Variants in CUL9 observed in about 807,000 individuals in gnomAD.
The protein encoded by CUL9 is cullin-9.
In CUL9, 79 loss-of-function variants were observed where a neutral mutation model predicts 272.6. That is an observed-to-expected ratio of 0.29 (90% CI 0.24 to 0.35). CUL9 has a LOEUF of 0.35. CUL9 is among the 10% of genes least tolerant of loss of function. The probability of loss-of-function intolerance (pLI) is 1.00; values close to 1 mark genes in which losing one functional copy is unlikely to be tolerated. For synonymous variants in CUL9, 1,186 were observed against 1,286.5 expected (o/e 0.92, Z 1.67); for missense variants, 2,532 against 3,255.6 (o/e 0.78, Z 5.41).
chr6:43,187,939 G>C lies in CUL9; in HGVS notation c.1808G>C (p.Ser603Thr). 6.2e-7 allele frequency: 1 copy of C among 1,614,106 alleles called. No homozygotes were observed. Among genetic ancestry groups the C allele is most frequent in the Non-Finnish European group, 8.5e-7 (1 of 1,180,024 alleles). The change falls in exon 7 of 41, where the codon AGC (serine) becomes ACC (threonine). Residue 603 changes from serine to threonine, a missense_variant. Around this residue, in one of 3 missense-constraint regions of CUL9, gnomAD observed 2,218 missense variants for 2,788.6 expected, o/e 0.80. Coordinates refer to ENST00000252050, the MANE Select transcript of CUL9 (RefSeq NM_015089.4). ...GAAGAGGAGTCCAAGTCGGAGGCCAGCTTCTCAGAGGAAGAGACTGAGTCC... is the reference window on the plus strand; with the variant it reads ...GAAGAGGAGTCCAAGTCGGAGGCCACCTTCTCAGAGGAAGAGACTGAGTCC... ...DPEEESKSEA[S>T]FSEEETESLK...
Position 43,193,092 on chromosome 6 carries a change from C to T in CUL9, c.2272C>T (p.Leu758Phe). 6.2e-7 allele frequency: 1 copy of T among 1,614,196 alleles called. No homozygotes were observed. The highest frequency in any genetic ancestry group is 8.5e-7 in the Non-Finnish European group (1 of 1,180,036). The part of the protein sequence containing the change: ...VVQALRLLYL[L>F]MTKHEWRPLF... ...GCAGGCCCTGCGCCTCCTTTACCTG[C>T]TCATGACCAAGCACGAGTGGCGGCC... The change falls in exon 9 of 41, where the codon CTC becomes TTC. Residue 758 changes from leucine to phenylalanine, a missense_variant. Physicochemically the swap from Leu to Phe is conservative, Grantham distance 22. Around this residue, in one of 3 missense-constraint regions of CUL9, gnomAD observed 2,218 missense variants for 2,788.6 expected, o/e 0.80. Coordinates refer to ENST00000252050, the MANE Select transcript of CUL9 (RefSeq NM_015089.4).
chr6:43,206,442 A>G lies in CUL9; in HGVS notation c.5144A>G (p.His1715Arg), dbSNP rs777208228. Residue 1715 changes from histidine (H) to arginine (R), a missense_variant, in exon 26 of 41, where the codon CAT (histidine) becomes CGT (arginine). By Grantham distance (29) the His-to-Arg change is conservative. Around this residue, in one of 3 missense-constraint regions of CUL9, gnomAD observed 2,218 missense variants for 2,788.6 expected, o/e 0.80. Transcript: ENST00000252050. This position sits in a 1 kb window ranked among gnomAD's most constrained non-coding sequence, Gnocchi z 4.8. The part of the protein sequence containing the change: ...WPVSPLCYLY[H>R]PRKCLPTEFC... ...GTCTCCCCACTCTGCTACCTGTACC[A>G]TCCCAGAAAGTGCCTTCCCACAGAA... 1.9e-6 allele frequency: 3 copies of G among 1,614,100 alleles called. No individual in the cohort carries two copies. The highest frequency in any genetic ancestry group is 1.7e-6 in the Non-Finnish European group (2 of 1,180,040).
chr6:43,198,501 T>C, intron 11 of CUL9, 108 bp from the exon 12 acceptor site: 1 of 1,532,240 alleles, frequency 6.5e-7, no homozygotes. Flanking sequence ...ACATCCTCAA[T>C]ATAGAAGGAA....
chr6:43,216,662 G>A (rs1302089131), intron 31 of CUL9, among the ~76,000 whole-genome samples, 159 bp downstream of exon 31: 3 of 152,242 alleles, frequency 2.0e-5, no homozygotes, highest in African/African-American at 7.2e-5. Flanking sequence ...TTTGTCATCT[G>A]TAAGTGGTAC....
chr6:43,207,433 G>A (rs1189771069), intron 26 of CUL9, among the ~76,000 whole-genome samples: 2 of 152,180 alleles, frequency 1.3e-5, no homozygotes, highest in Non-Finnish European at 2.9e-5. Flanking sequence ...CATACTGTCT[G>A]TGAGGGTTAT....
Position 43,186,064 on chromosome 6 carries a change from C to CA in CUL9, c.861dup (p.Cys288MetfsTer25), listed in dbSNP as rs1329924907. ...CTGGGAGCTGGAGACCAAAGCTCCCCATGTGCCACAAGAGAGAAAAGCCGG... is the reference window on the plus strand; with the variant it reads ...CTGGGAGCTGGAGACCAAAGCTCCCCAATGTGCCACAAGAGAGAAAAGCCGG... On this transcript the variant is annotated frameshift_variant, in exon 4 of 41. Coordinates refer to ENST00000252050, the MANE Select transcript of CUL9 (RefSeq NM_015089.4). LOFTEE classifies it high-confidence loss of function. 6.2e-7 allele frequency: 1 copy of CA among 1,614,100 alleles called. No homozygotes were observed. The highest frequency in any genetic ancestry group is 8.5e-7 in the Non-Finnish European group (1 of 1,180,048).
In CUL9 at chr6:43,223,635, A is replaced by G; in HGVS notation, c.7284+238A>G. The G allele has an allele frequency of 1.7e-6, 1 of 579,248 alleles. No individual in the cohort carries two copies. The highest frequency in any genetic ancestry group is 2.8e-5 in the East Asian group (1 of 35,330). 35.9% of individuals were successfully genotyped at this position (579,248 alleles called of 1,614,324 possible). Reference sequence around the variant, plus strand: ...ATAAAGGGGTTGGCTAGCCCACATCAAGGGTATTTGGTCAGGTGCCTATCA... The same window carrying G: ...ATAAAGGGGTTGGCTAGCCCACATCGAGGGTATTTGGTCAGGTGCCTATCA... On this transcript the variant is annotated intron_variant, in intron 39 of 40. Transcript: ENST00000252050. The surrounding 1 kb of genome is among the most constrained non-coding windows in gnomAD (Gnocchi z 4.1).
In CUL9 at chr6:43,200,577, C is replaced by T. The variant is rs1473193236; in HGVS notation, c.3475+51C>T. Reference sequence around the variant, plus strand: ...TGGCTCCCATCCAGTGTCTGTTCTCCCCTTCCCTTCCTGCTCCTTAGACCT... The same window carrying T: ...TGGCTCCCATCCAGTGTCTGTTCTCTCCTTCCCTTCCTGCTCCTTAGACCT... On this transcript the variant is annotated intron_variant, in intron 15 of 40. Coordinates refer to ENST00000252050, the MANE Select transcript of CUL9 (RefSeq NM_015089.4). The surrounding 1 kb of genome is among the most constrained non-coding windows in gnomAD (Gnocchi z 4.0). 1.9e-6 allele frequency: 3 copies of T among 1,613,922 alleles called. No homozygotes were observed. The highest frequency in any genetic ancestry group is 1.3e-5 in the African/African-American group (1 of 75,036).
At chr6:43,215,645 G>T (rs570192566) in intron 30 of CUL9, among the ~76,000 whole-genome samples, 2 of 152,202 alleles carry the variant, frequency 1.3e-5, no homozygotes, top group South Asian at 4.1e-4. Context: ...GCTTTTTAAT[G>T]TTCATTGGAA....
At chr6:43,212,475 C>T (rs181796959) in intron 26 of CUL9, among the ~76,000 whole-genome samples, 6 of 152,232 alleles carry the variant, frequency 3.9e-5, no homozygotes, top group Admixed American at 1.3e-4. Flanking sequence ...CCCTGAAGTC[C>T]GGTTTATACA....
Position 43,186,069 on chromosome 6 carries a change from G to A in CUL9, c.865G>A (p.Ala289Thr). The A allele has an allele frequency of 6.2e-7, 1 of 1,614,228 alleles. No homozygotes were observed. Among genetic ancestry groups the A allele is most frequent in the Non-Finnish European group, 8.5e-7 (1 of 1,180,042 alleles). The change falls in exon 4 of 41, where the codon GCC becomes ACC. Residue 289 changes from alanine (A) to threonine (T), a missense_variant. Physicochemically the swap from Ala to Thr is moderately conservative, Grantham distance 58. Around this residue, in one of 3 missense-constraint regions of CUL9, gnomAD observed 2,218 missense variants for 2,788.6 expected, o/e 0.80. Transcript: ENST00000252050. ...LGAGDQSSPC[A>T]TREKSRGQRE... ...AGCTGGAGACCAAAGCTCCCCATGTGCCACAAGAGAGAAAAGCCGGGGACA... is the reference window on the plus strand; with the variant it reads ...AGCTGGAGACCAAAGCTCCCCATGTACCACAAGAGAGAAAAGCCGGGGACA...
chr6:43,182,897 G>C (rs1772544218), intron 1 of CUL9, among the ~76,000 whole-genome samples: 1 of 152,064 alleles, frequency 6.6e-6, no homozygotes, highest in African/African-American at 2.4e-5. Flanking sequence ...TTTATAATCG[G>C]TCTTAATAAC....
intron 26 of CUL9, among the ~76,000 whole-genome samples, chr6:43,207,790 G>C (rs1775164555): frequency 6.6e-6 from 1 of 152,122 alleles, no homozygotes; most frequent in South Asian, 2.1e-4. Flanking sequence ...TGGCCTGGTA[G>C]ATGGTCATAT....
In CUL9 at chr6:43,199,220, G is replaced by C; in HGVS notation, c.3051-46G>C. 6.8e-7 allele frequency: 1 copy of C among 1,472,390 alleles called. No individual in the cohort carries two copies. The highest frequency in any genetic ancestry group is 9.5e-7 in the Non-Finnish European group (1 of 1,053,098). 91.2% of individuals were successfully genotyped at this position (1,472,390 alleles called of 1,614,324 possible). On this transcript the variant is annotated intron_variant, in intron 12 of 40. Coordinates refer to ENST00000252050, the MANE Select transcript of CUL9 (RefSeq NM_015089.4). This position sits in a 1 kb window ranked among gnomAD's most constrained non-coding sequence, Gnocchi z 4.4. The stretch of plus-strand genomic sequence containing the variant: ...CAAAGTGCTGGGATTACAGGCATGA[G>C]CCACTGTGCCTGGCCTGACTTCACT...
intron 11 of CUL9, among the ~76,000 whole-genome samples, chr6:43,197,737 C>T (rs1401562556): frequency 6.6e-6 from 1 of 152,208 alleles, no homozygotes; most frequent in Non-Finnish European, 1.5e-5. Context: ...CCGCCTTGGC[C>T]TCCCAAAGTG....
At chr6:43,197,577 G>A (rs759499730) in intron 11 of CUL9, among the ~76,000 whole-genome samples, 1 of 151,808 alleles carries the variant, frequency 6.6e-6, no homozygotes, top group East Asian at 1.9e-4. Context: ...TCCGCCTCCC[G>A]GGTTCAAGGA....
Position 43,221,964 on chromosome 6 carries a change from C to T in CUL9, c.6846+186C>T, listed in dbSNP as rs1776402996. ...TGCTGGAAAGTCTGTTCACAGGGAC[C>T]TTCAGCTCCAGAACAGGACTTCTCA... On this transcript the variant is annotated intron_variant, in intron 35 of 40. Coordinates refer to ENST00000252050, the MANE Select transcript of CUL9 (RefSeq NM_015089.4). The surrounding 1 kb of genome is among the most constrained non-coding windows in gnomAD (Gnocchi z 4.2). 2 of 610,128 alleles carry T rather than the reference C, an allele frequency of 3.3e-6. No homozygotes were observed. The highest frequency in any genetic ancestry group is 4.0e-5 in the South Asian group (2 of 49,654). The allele number at this position is 610,128 out of a possible 1,614,324, so 37.8% of individuals were successfully genotyped here. A position where few individuals can be genotyped will look rare whatever the true frequency, so the allele number is the denominator to read the frequency against.
rs1361903180 is a variant in CUL9, at chr6:43,198,707, G to A, written c.2902G>A (p.Glu968Lys). 6.2e-6 allele frequency: 10 copies of A among 1,614,058 alleles called. No individual in the cohort carries two copies. Among genetic ancestry groups the A allele is most frequent in the African/African-American group, 1.3e-5 (1 of 74,928 alleles). Residue 968 changes from glutamate (E) to lysine (K), a missense_variant, in exon 12 of 41, where the codon GAG becomes AAG. Physicochemically the swap from Glu to Lys is moderately conservative, Grantham distance 56. Around this residue, in one of 3 missense-constraint regions of CUL9, gnomAD observed 2,218 missense variants for 2,788.6 expected, o/e 0.80. Transcript: ENST00000252050. ...GPSAELLLDLERVLCREGSPG... is the reference protein window; with the variant it reads ...GPSAELLLDLKRVLCREGSPG... Reference sequence around the variant, plus strand: ...ATCTGCAGAACTACTCCTGGACTTGGAGCGTGTGCTGTGCCGTGAGGGCAG... The same window carrying A: ...ATCTGCAGAACTACTCCTGGACTTGAAGCGTGTGCTGTGCCGTGAGGGCAG...
rs1401110494 is a variant in CUL9, at chr6:43,221,560, C to CT, written c.6753-124dup. On this transcript the variant is annotated intron_variant, in intron 34 of 40. Coordinates refer to ENST00000252050, the MANE Select transcript of CUL9 (RefSeq NM_015089.4). This position sits in a 1 kb window ranked among gnomAD's most constrained non-coding sequence, Gnocchi z 4.2. ...GTGCATTCAGCAGGGCTGGGTATGA[C>CT]TAAGGAGACTATCAGGGCAGGAGCA... 1.0e-6 allele frequency: 1 copy of CT among 958,420 alleles called. No individual in the cohort carries two copies. The allele number at this position is 958,420 out of a possible 1,614,324, so 59.4% of individuals were successfully genotyped here.
Sources: gnomAD v4.1 joint callset for allele counts (sites outside exome capture counted in the v4.1 genomes callset) on GRCh38, gnomAD v4.1.1 for gene constraint, gnomAD v4.1.1 regional missense constraint, Gnocchi (gnomAD v3.1) non-coding constraint, MANE v1.5 for transcripts, NCBI Gene and HGNC (gene_info 2026-07-23, HGNC 2026-07-21) for gene names.